The following PICALM variants were observed in gnomAD, a reference collection of about 807,000 sequenced individuals.
PICALM encodes phosphatidylinositol-binding clathrin assembly protein.
A neutral mutation model predicts 80.5 loss-of-function variants in PICALM; 40 were observed. That is an observed-to-expected ratio of 0.50 (90% CI 0.39 to 0.65). The LOEUF is 0.65. Ranked by LOEUF, PICALM falls within the 30% of genes least tolerant of loss-of-function variation. The probability of loss-of-function intolerance (pLI) is 0.00; values close to 1 mark genes in which losing one functional copy is unlikely to be tolerated. For missense variants in PICALM, 676 were observed against 778.9 expected (o/e 0.87, Z 1.57); for synonymous variants, 288 against 260.3 (o/e 1.11, Z -1.02).
At position 85,981,602 on chromosome 11, in the gene PICALM, G is replaced by A. The variant is rs1031043605; in HGVS notation, c.1679+143C>T. 12 of 648,126 alleles carry A rather than the reference G, an allele frequency of 1.9e-5. No individual in the cohort carries two copies. In the African/African-American group the frequency reaches 1.9e-4, roughly 10 times the overall value. 40.1% of individuals were successfully genotyped at this position (648,126 alleles called of 1,614,324 possible). On this transcript the variant is annotated intron_variant, in intron 16 of 19. Coordinates refer to ENST00000393346, the MANE Select transcript of PICALM (RefSeq NM_007166.4). ...AGCCTGAGCAACAGAGCGAGACTCC[G>A]TGTCAAAAAAAAAAAAAAAAGATGC...
intron 1 of PICALM, among the ~76,000 whole-genome samples, chr11:86,052,408 G>A (rs28525555): frequency 0.036 from 5,484 of 152,224 alleles, 320 homozygotes; most frequent in African/African-American, 0.12. Flanking sequence ...ATTTTTATCA[G>A]ACTTTGTGAA....
At chr11:85,966,218 C>G (rs57539860) in intron 19 of PICALM, among the ~76,000 whole-genome samples, 1,816 of 150,678 alleles carry the variant, frequency 0.012, 37 homozygotes, top group African/African-American at 0.042. Flanking sequence ...CTGTTTTTCC[C>G]CCCCCAAAGA....
intron 1 of PICALM, among the ~76,000 whole-genome samples, chr11:86,064,006 T>C (rs183097809): frequency 2.0e-5 from 3 of 152,274 alleles, no homozygotes; most frequent in East Asian, 1.9e-4. Context: ...TTCTTGACAA[T>C]ACGCAAACTA....
intron 8 of PICALM, 31 bp downstream of exon 8, chr11:86,007,511 T>G (rs367857692): frequency 7.9e-7 from 1 of 1,266,456 alleles, no homozygotes; most frequent in Non-Finnish European, 1.2e-6. Flanking sequence ...ACACAACAGA[T>G]AGTGGATTGG....
At chr11:86,034,884 A>G (rs1333797426) in intron 1 of PICALM, among the ~76,000 whole-genome samples, 1 of 152,194 alleles carries the variant, frequency 6.6e-6, no homozygotes, top group Non-Finnish European at 1.5e-5. Flanking sequence ...TCAACAAACA[A>G]TGACTGAGGT....
intron 6 of PICALM, 50 bp from the exon 7 acceptor site, chr11:86,011,186 C>A: frequency 5.1e-6 from 4 of 777,128 alleles, no homozygotes; most frequent in South Asian, 1.6e-5. Context: ...AATATAACAC[C>A]CAAAAAAGGA....
chr11:85,964,697 A>T (rs2093815666), intron 19 of PICALM, among the ~76,000 whole-genome samples: 1 of 152,052 alleles, frequency 6.6e-6, no homozygotes, highest in Non-Finnish European at 1.5e-5. Flanking sequence ...TGTCTTTCTT[A>T]TAAGGGGTCT....
At chr11:86,008,952 C>CAAAAAAAAAAAAAAAA (rs59740555) in intron 7 of PICALM, among the ~76,000 whole-genome samples, 41 of 62,780 alleles carry the variant, frequency 6.5e-4, no homozygotes, top group Admixed American at 8.1e-4. Flanking sequence ...AAAAAAAAGC[C>CAAAAAAAAAAAAAAAA]AAAAAAAAAA....
rs146031649 is a variant in PICALM at position 86,067,828 on chromosome 11, G to C, written c.130+823C>G. On this transcript the variant is annotated intron_variant, in intron 1 of 19. Transcript: ENST00000393346. ...TCCATATCCCCATGTGAAAAGCTGG[G>C]GGGCAGAGCTGACAGTCACAAACTC... 2.1e-4 allele frequency among the ~76,000 whole-genome samples: 32 copies of C among 152,240 alleles called. No individual in the cohort carries two copies. The East Asian group carries it at 6.0e-3, about 28-fold the overall frequency.
At chr11:86,053,447 G>A (rs1333552272) in intron 1 of PICALM, among the ~76,000 whole-genome samples, 1 of 152,034 alleles carries the variant, frequency 6.6e-6, no homozygotes, top group Non-Finnish European at 1.5e-5. Flanking sequence ...ACTCCTTCAG[G>A]GTGCTGCTCA....
chr11:86,040,194 A>C (rs1218367803), intron 1 of PICALM, among the ~76,000 whole-genome samples: 1 of 152,096 alleles, frequency 6.6e-6, no homozygotes, highest in South Asian at 2.1e-4. Context: ...GAAAGATGTT[A>C]TATAACTTTA....
At chr11:86,051,106 T>C (rs1467604436) in intron 1 of PICALM, among the ~76,000 whole-genome samples, 1 of 152,108 alleles carries the variant, frequency 6.6e-6, no homozygotes, top group Non-Finnish European at 1.5e-5. Context: ...CAAATAATGA[T>C]ATAGTAGTAA....
At chr11:85,963,461 T>C (rs546224029) in intron 19 of PICALM, among the ~76,000 whole-genome samples, 2 of 152,356 alleles carry the variant, frequency 1.3e-5, no homozygotes, top group Non-Finnish European at 2.9e-5. Context: ...TTGGTATAGC[T>C]ATCAGTTCGT....
chr11:85,959,783 T>C (rs773629643), intron 19 of PICALM, among the ~76,000 whole-genome samples: 5 of 152,068 alleles, frequency 3.3e-5, no homozygotes, highest in Non-Finnish European at 4.4e-5. Context: ...TCTCACCGTA[T>C]TGCCCAGGCT....
intron 8 of PICALM, among the ~76,000 whole-genome samples, chr11:86,005,995 A>G (rs2095268036): frequency 6.6e-6 from 1 of 152,218 alleles, no homozygotes; most frequent in African/African-American, 2.4e-5. Context: ...GGTGAATATT[A>G]ACATACACAG....
intron 12 of PICALM, among the ~76,000 whole-genome samples, chr11:85,995,178 T>C (rs2094918995): frequency 6.6e-6 from 1 of 152,214 alleles, no homozygotes; most frequent in Non-Finnish European, 1.5e-5. Context: ...AAACCTTGTT[T>C]ATCACCAACT....
chr11:85,959,993 A>G (rs933313840), intron 19 of PICALM, among the ~76,000 whole-genome samples: 1 of 152,180 alleles, frequency 6.6e-6, no homozygotes, highest in African/African-American at 2.4e-5. Context: ...AAGCACAAAT[A>G]CCACAAGCAA....
intron 1 of PICALM, among the ~76,000 whole-genome samples, chr11:86,061,144 T>C (rs879662812): frequency 5.3e-5 from 8 of 151,782 alleles, no homozygotes; most frequent in Non-Finnish European, 8.8e-5. Flanking sequence ...GCCTGGCTAA[T>C]ATGGTCAAAC....
At chr11:86,043,497 T>TA (rs2096011941) in intron 1 of PICALM, among the ~76,000 whole-genome samples, 1 of 152,190 alleles carries the variant, frequency 6.6e-6, no homozygotes. Flanking sequence ...ATCTCACGTT[T>TA]AAAAAACAAG....
Sources: allele counts gnomAD v4.1 joint callset (sites outside exome capture counted in the v4.1 genomes callset), GRCh38; gene constraint gnomAD v4.1.1; transcripts MANE v1.5; gene names NCBI Gene and HGNC (gene_info 2026-07-23, HGNC 2026-07-21).